CLSTN1: variants seen among roughly 807,000 people sequenced by gnomAD.
CLSTN1 encodes the protein calsyntenin-1.
CLSTN1 carries 28 observed loss-of-function variants against 108.3 expected under a neutral mutation model. The observed-to-expected ratio is 0.26, with a 90% confidence interval of 0.19 to 0.35. The LOEUF (loss-of-function observed/expected upper bound fraction) is 0.35, where lower values mean the gene tolerates loss of function less well. CLSTN1 is among the 10% of genes least tolerant of loss of function. The pLI, the probability that CLSTN1 is intolerant of heterozygous loss-of-function variation, is 1.00. For synonymous variants in CLSTN1, 524 were observed against 534.9 expected, an observed-to-expected ratio of 0.98 and a Z score of 0.28; for missense variants, 1,157 against 1,302.6, an observed-to-expected ratio of 0.89 and a Z score of 1.72.
rs745451405 is a variant in CLSTN1 at position 9,735,928 on chromosome 1, C to A, written c.1691G>T (p.Gly564Val). The A allele has an allele frequency of 1.2e-6, 2 of 1,614,198 alleles. No homozygotes were observed. Among genetic ancestry groups the A allele is most frequent in the Non-Finnish European group, 1.7e-6 (2 of 1,180,048 alleles). Residue 564 changes from glycine to valine, a missense_variant, in exon 12 of 19, where the codon GGG becomes GTG. Transcript: ENST00000377298. The part of the protein sequence containing the change: ...VIDCLYTCKE[G>V]LDLQVLEDSG... ...GTCTTCGAGGACCTGCAGGTCCAGC[C>A]CCTCCTTGCAGGTATACAGACAGTC...
chr1:9,791,563 G>A (rs892400510), intron 1 of CLSTN1, among the ~76,000 whole-genome samples: 1 of 147,840 alleles, frequency 6.8e-6, no homozygotes, highest in East Asian at 2.1e-4. Flanking sequence ...ATGGAGTCTC[G>A]CTCTGCCACC....
At chr1:9,807,930 C>T (rs1302964366) in intron 1 of CLSTN1, among the ~76,000 whole-genome samples, 1 of 152,194 alleles carries the variant, frequency 6.6e-6, no homozygotes, top group Non-Finnish European at 1.5e-5. Flanking sequence ...GGTACCTCGG[C>T]CTCCTAGCCC....
chr1:9,757,076 C>CCGAACA (rs1553178005), intron 2 of CLSTN1, among the ~76,000 whole-genome samples: 3 of 151,742 alleles, frequency 2.0e-5, no homozygotes, highest in Non-Finnish European at 4.4e-5. Context: ...CCGTGCCCGG[C>CCGAACA]AGGATTTTTC....
At chr1:9,755,472 A>G (rs926461155) in intron 3 of CLSTN1, among the ~76,000 whole-genome samples, 163 bp from the exon 4 acceptor site, 4 of 152,176 alleles carry the variant, frequency 2.6e-5, no homozygotes, top group Admixed American at 1.3e-4. Flanking sequence ...TGTTTTAAAC[A>G]TGGGGAAGTT....
intron 1 of CLSTN1, among the ~76,000 whole-genome samples, chr1:9,821,157 G>T (rs1655174929): frequency 6.6e-6 from 1 of 152,176 alleles, no homozygotes; most frequent in Non-Finnish European, 1.5e-5. Context: ...TTTTAAGATG[G>T]AGTCTTGCTT....
chr1:9,797,023 G>C (rs143344305), intron 1 of CLSTN1, among the ~76,000 whole-genome samples: 49 of 152,272 alleles, frequency 3.2e-4, no homozygotes, highest in Middle Eastern at 6.8e-3. Context: ...TTAAACACTG[G>C]TGCGTGGTAG....
intron 2 of CLSTN1, among the ~76,000 whole-genome samples, chr1:9,763,676 C>A (rs754135875): frequency 3.9e-5 from 6 of 152,220 alleles, no homozygotes; most frequent in Non-Finnish European, 8.8e-5. Flanking sequence ...AAACCCCATG[C>A]ATCCATTCAG....
At chr1:9,805,502 A>C (rs2101290053) in intron 1 of CLSTN1, among the ~76,000 whole-genome samples, 1 of 152,348 alleles carries the variant, frequency 6.6e-6, no homozygotes, top group East Asian at 1.9e-4. Context: ...TGAGATTAGC[A>C]AAAACTTAAA....
chr1:9,804,354 T>G (rs1570514394), intron 1 of CLSTN1, among the ~76,000 whole-genome samples: 1 of 107,192 alleles, frequency 9.3e-6, no homozygotes, highest in Non-Finnish European at 1.7e-5. Flanking sequence ...AGAGAGAGAC[T>G]CCATCTCAAA....
chr1:9,770,812 G>A (rs1212949653), intron 2 of CLSTN1, among the ~76,000 whole-genome samples: 6 of 152,058 alleles, frequency 3.9e-5, no homozygotes, highest in Admixed American at 6.6e-5. Context: ...TGGCCAACAC[G>A]GTGAAACCCT....
At chr1:9,773,675 C>T (rs567703881) in intron 1 of CLSTN1, among the ~76,000 whole-genome samples, 5 of 152,066 alleles carry the variant, frequency 3.3e-5, no homozygotes, top group Non-Finnish European at 5.9e-5. Flanking sequence ...CTGATGGCTA[C>T]GGGAAGACTA....
chr1:9,782,665 AT>A (rs1653301485), intron 1 of CLSTN1, among the ~76,000 whole-genome samples: 1 of 152,202 alleles, frequency 6.6e-6, no homozygotes, highest in Non-Finnish European at 1.5e-5. Context: ...ATTAACATGA[AT>A]ATAAGCTATG....
Position 9,730,838 on chromosome 1 carries a change from G to T in CLSTN1, c.2749-133C>A. 1.2e-6 allele frequency: 1 copy of T among 823,752 alleles called. No individual in the cohort carries two copies. Among genetic ancestry groups the T allele is most frequent in the Non-Finnish European group, 1.9e-6 (1 of 521,716 alleles). The allele number at this position is 823,752 out of a possible 1,614,324, so 51.0% of individuals were successfully genotyped here. A position where few individuals can be genotyped will look rare whatever the true frequency, so the allele number is the denominator to read the frequency against. The stretch of plus-strand genomic sequence containing the variant: ...TCCCTCCCCAGCGACAGAGCAGCCA[G>T]GACGGCACCGGAAGTTATATTAGAA... On this transcript the variant is annotated intron_variant, in intron 18 of 18. Coordinates refer to ENST00000377298, the MANE Select transcript of CLSTN1 (RefSeq NM_001009566.3). This position sits in a 1 kb window ranked among gnomAD's most constrained non-coding sequence, Gnocchi z 5.6.
Position 9,731,819 on chromosome 1 carries a change from T to C in CLSTN1, c.2505A>G (p.Glu835=), listed in dbSNP as rs140121733. The C allele has an allele frequency of 3.4e-4, 544 of 1,614,122 alleles. 8 individuals are homozygous for C. In the South Asian group the frequency reaches 3.8e-3, roughly 11 times the overall value. The stretch of plus-strand genomic sequence containing the variant: ...CTGACAGGTCAACAAAGGAGCGGTG[T>C]TCCGGGTGCACGAACTGTGGCTGGG... ...MAAQPQFVHP[E]HRSFVDLSGH... Residue 835 remains glutamate, a synonymous_variant, in exon 17 of 19, where the codon GAA becomes GAG. Coordinates refer to ENST00000377298, the MANE Select transcript of CLSTN1 (RefSeq NM_001009566.3).
chr1:9,735,653 C>G, intron 12 of CLSTN1, 38 bp from the exon 13 acceptor site: 1 of 1,611,994 alleles, frequency 6.2e-7, no homozygotes, highest in Non-Finnish European at 8.5e-7. Context: ...GAAGAATAAG[C>G]CAGTAACCGC....
intron 1 of CLSTN1, among the ~76,000 whole-genome samples, chr1:9,798,530 C>CAA (rs1654113340): frequency 6.6e-6 from 1 of 152,058 alleles, no homozygotes; most frequent in African/African-American, 2.4e-5. Context: ...ATGAAATAGC[C>CAA]AAAATAAGTA....
intron 1 of CLSTN1, among the ~76,000 whole-genome samples, chr1:9,812,191 C>A (rs1339724076): frequency 6.6e-6 from 1 of 152,104 alleles, no homozygotes; most frequent in Non-Finnish European, 1.5e-5. Flanking sequence ...TTTAGTCCCC[C>A]AGATCATACA....
intron 7 of CLSTN1, among the ~76,000 whole-genome samples, chr1:9,746,050 G>A (rs1051791716): frequency 2.0e-5 from 3 of 152,158 alleles, no homozygotes; most frequent in South Asian, 2.1e-4. Flanking sequence ...TTATAGGTGT[G>A]AGCCACCGCG....
intron 1 of CLSTN1, among the ~76,000 whole-genome samples, chr1:9,780,224 A>C (rs1388158557): frequency 6.9e-6 from 1 of 144,218 alleles, no homozygotes; most frequent in East Asian, 2.0e-4. Flanking sequence ...ATTCGATTCC[A>C]ATTTGGCTTC....
Sources: gnomAD v4.1 joint callset for allele counts (sites outside exome capture counted in the v4.1 genomes callset) on GRCh38, gnomAD v4.1.1 for gene constraint, Gnocchi (gnomAD v3.1) non-coding constraint, MANE v1.5 for transcripts, NCBI Gene and HGNC (gene_info 2026-07-23, HGNC 2026-07-21) for gene names.